The following PTPRD variants were observed in gnomAD, a reference collection of about 807,000 sequenced individuals.
PTPRD encodes protein tyrosine phosphatase receptor type D, also known as receptor-type tyrosine-protein phosphatase delta.
A neutral mutation model predicts 214.5 loss-of-function variants in PTPRD; 34 were observed. That is an observed-to-expected ratio of 0.16 (90% CI 0.12 to 0.21). The LOEUF (loss-of-function observed/expected upper bound fraction) is 0.21, where lower values mean the gene tolerates loss of function less well. PTPRD is among the 10% of genes least tolerant of loss of function. The pLI is 1.00. For synonymous variants in PTPRD, 1,128 were observed against 845.7 expected (o/e 1.33, Z -5.79); for missense variants, 2,545 against 2,398.7 (o/e 1.06, Z -1.27).
intron 7 of PTPRD, among the ~76,000 whole-genome samples, chr9:9,654,592 T>C (rs1037006583): frequency 2.6e-5 from 4 of 152,160 alleles, no homozygotes; most frequent in African/African-American, 9.6e-5. Flanking sequence ...CGTAAAACAC[T>C]TTCATTTAAG....
At chr9:10,331,073 C>G (rs1294963175) in intron 3 of PTPRD, among the ~76,000 whole-genome samples, 1 of 151,880 alleles carries the variant, frequency 6.6e-6, no homozygotes, top group African/African-American at 2.4e-5. Flanking sequence ...CAATGTCACT[C>G]TCAACACCAG....
chr9:8,334,118 T>TAGAC (rs1844276651), intron 43 of PTPRD, among the ~76,000 whole-genome samples: 45 of 151,630 alleles, frequency 3.0e-4, no homozygotes, highest in Admixed American at 9.2e-4. Context: ...CTGTCAATAT[T>TAGAC]AGATCAATGA....
chr9:9,328,319 T>A (rs1006534907), intron 9 of PTPRD, among the ~76,000 whole-genome samples: 11 of 152,168 alleles, frequency 7.2e-5, no homozygotes, highest in African/African-American at 2.7e-4. Context: ...ACATGTAGTA[T>A]GTGGTATGTC....
chr9:9,714,274 A>G (rs2097782063), intron 7 of PTPRD, among the ~76,000 whole-genome samples: 1 of 152,104 alleles, frequency 6.6e-6, no homozygotes, highest in African/African-American at 2.4e-5. Context: ...CATTAGGTTG[A>G]TATATTTTTG....
At chr9:10,503,103 G>A (rs75508513) in intron 2 of PTPRD, among the ~76,000 whole-genome samples, 11,930 of 143,292 alleles carry the variant, frequency 0.083, 628 homozygotes, top group East Asian at 0.18. Flanking sequence ...TCCCATTTTT[G>A]TCTCTCCAAT....
rs560862651 is a variant in PTPRD, at chr9:8,404,546, C to G, written c.4201G>C (p.Ala1401Pro). 1.2e-6 allele frequency: 2 copies of G among 1,612,154 alleles called. No individual in the cohort carries two copies. The highest frequency in any genetic ancestry group is 1.7e-6 in the Non-Finnish European group (2 of 1,178,516). ...GTCTGCATTTCCTTACCTTCTATAG[C>G]TGATAGGAGAACCCGGGAATGATCA... The part of the protein sequence containing the change: ...AYDHSRVLLS[A>P]IEGIPGSDYV... The change falls in exon 36 of 46, where the codon GCT becomes CCT. Residue 1401 changes from alanine (A) to proline (P), a missense_variant. Ala to Pro is a conservative substitution (Grantham distance 27). Coordinates refer to ENST00000381196, the MANE Select transcript of PTPRD (RefSeq NM_002839.4).
chr9:10,152,788 G>A (rs2099069714), intron 3 of PTPRD, among the ~76,000 whole-genome samples: 1 of 152,162 alleles, frequency 6.6e-6, no homozygotes, highest in Admixed American at 6.5e-5. Context: ...TCGCACCATT[G>A]CACTCCAGCC....
chr9:8,921,866 G>C (rs2098830328), intron 11 of PTPRD, among the ~76,000 whole-genome samples: 1 of 152,096 alleles, frequency 6.6e-6, no homozygotes, highest in Non-Finnish European at 1.5e-5. Flanking sequence ...ATCAGCTTTG[G>C]TAAATTTAAA....
intron 34 of PTPRD, among the ~76,000 whole-genome samples, chr9:8,436,987 ACAGT>A (rs2095377505): frequency 6.6e-6 from 1 of 152,218 alleles, no homozygotes; most frequent in Non-Finnish European, 1.5e-5. Flanking sequence ...GAAAAAACTG[ACAGT>A]CAGGCTTGAT....
At chr9:10,607,751 T>C (rs1047403488) in intron 2 of PTPRD, among the ~76,000 whole-genome samples, 35 of 152,126 alleles carry the variant, frequency 2.3e-4, no homozygotes, top group African/African-American at 8.2e-4. Context: ...AAATAAATTA[T>C]TGGTTTTCTT....
intron 2 of PTPRD, among the ~76,000 whole-genome samples, chr9:10,563,096 T>C (rs932148892): frequency 6.6e-6 from 1 of 152,166 alleles, no homozygotes; most frequent in Admixed American, 6.6e-5. Context: ...ATGATATCTG[T>C]GTAATTCCCC....
intron 11 of PTPRD, among the ~76,000 whole-genome samples, chr9:8,923,577 T>C (rs2154272511): frequency 6.6e-6 from 1 of 152,270 alleles, no homozygotes; most frequent in East Asian, 1.9e-4. Flanking sequence ...GTTTACATTG[T>C]TTTTATGGAA....
intron 9 of PTPRD, among the ~76,000 whole-genome samples, chr9:9,281,896 G>A (rs147450088): frequency 6.6e-6 from 1 of 150,794 alleles, no homozygotes; most frequent in African/African-American, 2.4e-5. Context: ...AGTATATCCA[G>A]ATGATGAAAT....
At chr9:8,343,585 C>A (rs1270268101) in intron 39 of PTPRD, among the ~76,000 whole-genome samples, 1 of 152,000 alleles carries the variant, frequency 6.6e-6, no homozygotes, top group Non-Finnish European at 1.5e-5. Flanking sequence ...CTGACATTCC[C>A]CATTCCTACC....
chr9:8,474,234 A>C (rs770335221), intron 30 of PTPRD, among the ~76,000 whole-genome samples: 1 of 151,942 alleles, frequency 6.6e-6, no homozygotes, highest in Admixed American at 6.6e-5. Flanking sequence ...ATCCAGCTAC[A>C]TTATGATCTT....
chr9:9,798,298 T>G (rs10117277), intron 5 of PTPRD, among the ~76,000 whole-genome samples: 11,845 of 152,252 alleles, frequency 0.078, 646 homozygotes, highest in African/African-American at 0.16. Context: ...GAGTTTTACC[T>G]GACACAGACA....
chr9:9,073,332 A>G (rs1440056351), intron 10 of PTPRD, among the ~76,000 whole-genome samples: 1 of 152,246 alleles, frequency 6.6e-6, no homozygotes, highest in Non-Finnish European at 1.5e-5. Flanking sequence ...CTGAGATGGT[A>G]TGCAAATAGG....
At chr9:10,163,570 C>T (rs556354253) in intron 3 of PTPRD, among the ~76,000 whole-genome samples, 1 of 151,380 alleles carries the variant, frequency 6.6e-6, no homozygotes, top group South Asian at 2.1e-4. Context: ...AATTCATTTC[C>T]AAATTCATGC....
chr9:10,013,640 T>C (rs1311347466), intron 4 of PTPRD, among the ~76,000 whole-genome samples: 1 of 151,652 alleles, frequency 6.6e-6, no homozygotes, highest in Admixed American at 6.6e-5. Context: ...ACAAGTGTAA[T>C]AAATTTTACA....
Sources: gnomAD v4.1 joint callset for allele counts (sites outside exome capture counted in the v4.1 genomes callset) on GRCh38, gnomAD v4.1.1 for gene constraint, MANE v1.5 for transcripts, NCBI Gene and HGNC (gene_info 2026-07-23, HGNC 2026-07-21) for gene names.